The following GLDC variants were observed in gnomAD, a reference collection of about 807,000 sequenced individuals.
The protein encoded by GLDC is glycine decarboxylase, also known as glycine dehydrogenase (decarboxylating), mitochondrial.
Under a neutral mutation model 121.3 loss-of-function variants are expected in GLDC, and 104 were observed. That is an observed-to-expected ratio of 0.86 (90% CI 0.73 to 1.01). The LOEUF (loss-of-function observed/expected upper bound fraction) is 1.01. Ranked by LOEUF, GLDC falls within the 50% of genes least tolerant of loss-of-function variation. The pLI, the probability that GLDC is intolerant of heterozygous loss-of-function variation, is 0.00. For synonymous variants in GLDC, 546 were observed against 480.6 expected, an observed-to-expected ratio of 1.14 and a Z score of -1.78; for missense variants, 1,429 against 1,306.6, an observed-to-expected ratio of 1.09 and a Z score of -1.44.
At chr9:6,561,038 C>A (rs977449231) in intron 16 of GLDC, among the ~76,000 whole-genome samples, 4 of 152,234 alleles carry the variant, frequency 2.6e-5, no homozygotes, top group African/African-American at 9.6e-5. Context: ...GAAACAGATT[C>A]TCCCCTGTCT....
intron 15 of GLDC, among the ~76,000 whole-genome samples, chr9:6,572,806 T>A (rs1327891023): frequency 6.6e-6 from 1 of 152,196 alleles, no homozygotes; most frequent in Non-Finnish European, 1.5e-5. Flanking sequence ...CTGTAAATTA[T>A]TTTTCTGCTG....
intron 7 of GLDC, among the ~76,000 whole-genome samples, chr9:6,603,844 C>G (rs143186118): frequency 0.012 from 1,821 of 151,784 alleles, 30 homozygotes; most frequent in Non-Finnish European, 0.018. Context: ...ATTCTCCTGC[C>G]TCTGCCTCCC....
chr9:6,562,435 G>A (rs1044021499), intron 16 of GLDC, among the ~76,000 whole-genome samples: 48 of 152,164 alleles, frequency 3.2e-4, no homozygotes, highest in African/African-American at 1.1e-3. Context: ...GATATATTTT[G>A]CTGGATTCCA....
At chr9:6,630,980 A>C (rs1158288803) in intron 2 of GLDC, among the ~76,000 whole-genome samples, 1 of 152,140 alleles carries the variant, frequency 6.6e-6, no homozygotes, top group Non-Finnish European at 1.5e-5. Context: ...TGAATCACGG[A>C]ATGTGTTGAA....
intron 15 of GLDC, among the ~76,000 whole-genome samples, chr9:6,582,645 C>T (rs955932981): frequency 6.6e-5 from 10 of 151,978 alleles, no homozygotes; most frequent in South Asian, 2.1e-4. Flanking sequence ...CTGGCTAACA[C>T]GGTGAAACCC....
chr9:6,591,915 A>G (rs1818382792), intron 11 of GLDC: 1 of 508,550 alleles, frequency 2.0e-6, no homozygotes, highest in African/African-American at 2.0e-5. Context: ...ATGAAACACC[A>G]TTAACAATCT....
intron 4 of GLDC, among the ~76,000 whole-genome samples, chr9:6,607,109 G>A (rs1818751147): frequency 6.6e-6 from 1 of 152,002 alleles, no homozygotes; most frequent in African/African-American, 2.4e-5. Flanking sequence ...AGTAACTAAT[G>A]GCATTTACTG....
chr9:6,627,666 C>T (rs137861958), intron 2 of GLDC, among the ~76,000 whole-genome samples: 1 of 152,170 alleles, frequency 6.6e-6, no homozygotes, highest in African/African-American at 2.4e-5. Flanking sequence ...TTCACTCATC[C>T]ATTGCCCAAC....
intron 22 of GLDC, among the ~76,000 whole-genome samples, chr9:6,539,287 G>A (rs1315847285): frequency 6.6e-6 from 1 of 152,078 alleles, no homozygotes; most frequent in Non-Finnish European, 1.5e-5. Context: ...AGACCAGCCT[G>A]GCCAACATGG....
chr9:6,583,320 C>T (rs1190999116), intron 15 of GLDC, among the ~76,000 whole-genome samples: 1 of 152,062 alleles, frequency 6.6e-6, no homozygotes, highest in African/African-American at 2.4e-5. Flanking sequence ...ACTCAAGTGT[C>T]CCTCAATTGA....
intron 4 of GLDC, among the ~76,000 whole-genome samples, chr9:6,608,020 G>C (rs1035648994): frequency 3.3e-5 from 5 of 152,008 alleles, no homozygotes; most frequent in Non-Finnish European, 4.4e-5. Flanking sequence ...CTGCTTGGGG[G>C]GATGAGGCAA....
intron 8 of GLDC, among the ~76,000 whole-genome samples, chr9:6,596,325 A>G (rs1818493716): frequency 6.6e-6 from 1 of 152,228 alleles, no homozygotes; most frequent in African/African-American, 2.4e-5. Context: ...CAACAAATTG[A>G]TGAGAAGTAT....
intron 15 of GLDC, 45 bp downstream of exon 15, chr9:6,587,096 T>C (rs1200178598): frequency 6.5e-7 from 1 of 1,543,512 alleles, no homozygotes. Context: ...GTGTATGCTA[T>C]ACAAGAATAG....
chr9:6,604,774 C>G lies in GLDC; in HGVS notation c.872G>C (p.Cys291Ser), dbSNP rs777632051. 1.2e-6 allele frequency: 2 copies of G among 1,613,818 alleles called. No individual in the cohort carries two copies. Among genetic ancestry groups the G allele is most frequent in the South Asian group, 2.2e-5 (2 of 91,082 alleles). Residue 291 changes from cysteine to serine, a missense_variant, in exon 7 of 25, where the codon TGC becomes TCC. Coordinates refer to ENST00000321612, the MANE Select transcript of GLDC (RefSeq NM_000170.3). ...ERAHQSGSLA[C>S]CATDLLALCI... ...CAAAGCTAAAAGGTCAGTAGCACAG[C>G]AGGCCAGGCTCTAGAAAGGAAGTGA...
At chr9:6,618,584 G>C (rs1819012312) in intron 3 of GLDC, among the ~76,000 whole-genome samples, 2 of 152,182 alleles carry the variant, frequency 1.3e-5, no homozygotes, top group Admixed American at 6.5e-5. Context: ...TGGGATTACA[G>C]GTGTGAGCCA....
chr9:6,637,207 C>A (rs113770256), intron 2 of GLDC, among the ~76,000 whole-genome samples: 3,974 of 152,058 alleles, frequency 0.026, 88 homozygotes, highest in Non-Finnish European at 0.034. Context: ...GAGTTCGAAA[C>A]CAGCCTGGCC....
At chr9:6,637,141 C>T (rs941659385) in intron 2 of GLDC, among the ~76,000 whole-genome samples, 2 of 150,562 alleles carry the variant, frequency 1.3e-5, no homozygotes, top group African/African-American at 4.9e-5. Context: ...AATGCCAGCA[C>T]TTTGGAAAAT....
At chr9:6,627,711 G>A (rs979683060) in intron 2 of GLDC, among the ~76,000 whole-genome samples, 6 of 152,156 alleles carry the variant, frequency 3.9e-5, no homozygotes, top group East Asian at 1.9e-4. Context: ...TTCCCAGCTA[G>A]AAGCCAAGAC....
intron 15 of GLDC, among the ~76,000 whole-genome samples, chr9:6,582,473 A>G (rs1336805259): frequency 2.6e-5 from 4 of 151,912 alleles, no homozygotes; most frequent in Admixed American, 6.6e-5. Context: ...GTGAGCCGAG[A>G]TGGCGCCACT....
Sources: allele counts gnomAD v4.1 joint callset (sites outside exome capture counted in the v4.1 genomes callset), GRCh38; gene constraint gnomAD v4.1.1; transcripts MANE v1.5; gene names NCBI Gene and HGNC (gene_info 2026-07-23, HGNC 2026-07-21).